Variants in ARHGAP12 observed in about 807,000 individuals in gnomAD.
ARHGAP12 encodes Rho GTPase activating protein 12, also known as rho GTPase-activating protein 12.
In ARHGAP12, 64 loss-of-function variants were observed where a neutral mutation model predicts 108.6. The observed-to-expected ratio is 0.59, with a 90% CI of 0.48 to 0.73. The LOEUF is 0.73. ARHGAP12 is among the 30% of genes least tolerant of loss of function. ARHGAP12 has a pLI of 0.00. For missense variants in ARHGAP12, 940 were observed against 1,005.9 expected (o/e 0.93, Z 0.89); for synonymous variants, 312 against 337.2 (o/e 0.93, Z 0.82).
At chr10:31,852,036 G>A (rs1047941209) in intron 6 of ARHGAP12, among the ~76,000 whole-genome samples, 5 of 152,084 alleles carry the variant, frequency 3.3e-5, no homozygotes, top group South Asian at 2.1e-4. Flanking sequence ...GAAATGAGAC[G>A]TCCAGCTAAA....
chr10:31,909,066 G>A, intron 2 of ARHGAP12, 140 bp from the exon 3 acceptor site: 1 of 534,786 alleles, frequency 1.9e-6, no homozygotes, highest in Non-Finnish European at 3.2e-6. Flanking sequence ...GCAAACATGT[G>A]TCTACTATCA....
chr10:31,808,544 T>G (rs1834903155), intron 19 of ARHGAP12, 105 bp downstream of exon 19: 1 of 913,226 alleles, frequency 1.1e-6, no homozygotes, highest in African/African-American at 1.7e-5. Flanking sequence ...AGACAGCAAG[T>G]AGCATAGCTG....
intron 6 of ARHGAP12, among the ~76,000 whole-genome samples, chr10:31,848,376 T>C (rs1257112601): frequency 6.6e-6 from 1 of 152,230 alleles, no homozygotes; most frequent in Non-Finnish European, 1.5e-5. Flanking sequence ...TTATTTATCC[T>C]TGACAGCATT....
chr10:31,806,074 C>T lies in ARHGAP12; in HGVS notation c.*1584G>A, dbSNP rs1225725411. The T allele has an allele frequency of 6.6e-6, 1 of 151,728 alleles. No individual in the cohort carries two copies. The highest frequency in any genetic ancestry group is 1.5e-5 in the Non-Finnish European group (1 of 67,976). 9.4% of individuals were successfully genotyped at this position (151,728 alleles called of 1,614,324 possible). A position where few individuals can be genotyped will look rare whatever the true frequency, so the allele number is the denominator to read the frequency against. Reference sequence around the variant, plus strand: ...AAATGCAACCCTAAGAAAAAAAAATCCTGGTCACAAATCACTCGCTTTCAA... The same window carrying T: ...AAATGCAACCCTAAGAAAAAAAAATTCTGGTCACAAATCACTCGCTTTCAA... On this transcript the variant is annotated 3_prime_UTR_variant, in exon 20 of 20. Transcript: ENST00000344936.
chr10:31,885,636 T>C (rs889577340), intron 3 of ARHGAP12, among the ~76,000 whole-genome samples: 4 of 151,888 alleles, frequency 2.6e-5, no homozygotes, highest in Non-Finnish European at 5.9e-5. Flanking sequence ...CTGGCCAACA[T>C]GGCAAAATCC....
chr10:31,901,424 C>A (rs199787816), intron 3 of ARHGAP12, among the ~76,000 whole-genome samples: 5 of 148,954 alleles, frequency 3.4e-5, no homozygotes, highest in African/African-American at 1.2e-4. Context: ...CCCAGCTACT[C>A]GGGAAGCTGA....
intron 3 of ARHGAP12, among the ~76,000 whole-genome samples, chr10:31,893,421 C>T (rs1419783078): frequency 6.6e-6 from 1 of 152,098 alleles, no homozygotes; most frequent in Non-Finnish European, 1.5e-5. Flanking sequence ...GATATCACCA[C>T]CGATCCCACA....
intron 3 of ARHGAP12, among the ~76,000 whole-genome samples, chr10:31,884,500 G>A (rs1838120379): frequency 6.6e-6 from 1 of 152,052 alleles, no homozygotes; most frequent in Admixed American, 6.6e-5. Context: ...ATATTATTGT[G>A]AACATTCTTC....
chr10:31,810,827 C>A (rs530337998), intron 15 of ARHGAP12, 80 bp from the exon 16 acceptor site: 8 of 1,012,808 alleles, frequency 7.9e-6, no homozygotes, highest in Non-Finnish European at 1.1e-5. Context: ...CAGAGTGCAA[C>A]AGAAACATCC....
intron 1 of ARHGAP12, among the ~76,000 whole-genome samples, chr10:31,915,602 C>T (rs951440386): frequency 6.6e-6 from 1 of 152,048 alleles, no homozygotes; most frequent in African/African-American, 2.4e-5. Flanking sequence ...GCTCTCACCA[C>T]TAAAATGATA....
At chr10:31,835,202 G>GAA (rs952540519) in intron 9 of ARHGAP12, among the ~76,000 whole-genome samples, 2 of 59,812 alleles carry the variant, frequency 3.3e-5, no homozygotes, top group Non-Finnish European at 7.6e-5. Context: ...CGTCTCAAAA[G>GAA]AAAAAAAAAA....
chr10:31,827,602 T>C (rs772348621), intron 10 of ARHGAP12, among the ~76,000 whole-genome samples: 11 of 152,156 alleles, frequency 7.2e-5, no homozygotes, highest in Non-Finnish European at 1.2e-4. Flanking sequence ...CCATCCTGGC[T>C]AACATGGTGA....
At chr10:31,885,806 G>A (rs898121740) in intron 3 of ARHGAP12, among the ~76,000 whole-genome samples, 10 of 145,664 alleles carry the variant, frequency 6.9e-5, no homozygotes, top group Middle Eastern at 3.6e-3. Context: ...GTGACAGAGC[G>A]AGACACCAAC....
chr10:31,852,385 A>T, intron 6 of ARHGAP12, 132 bp downstream of exon 6: 1 of 753,394 alleles, frequency 1.3e-6, no homozygotes, highest in Non-Finnish European at 2.3e-6. Flanking sequence ...CAGTATTCAC[A>T]GTGAATTCTG....
rs575527878 is a variant in ARHGAP12, at chr10:31,909,647, A to G, written c.-71-721T>C. Among the ~76,000 whole-genome samples the G allele has an allele frequency of 1.3e-4, 20 of 152,242 alleles. No individual in the cohort carries two copies. In the South Asian group the frequency reaches 3.9e-3, roughly 30 times the overall value. ...ACAGTGGCTTACACCTATATTCCCA[A>G]CACTTTGGGAGGCTGAGGCAGGTGG... On this transcript the variant is annotated intron_variant, in intron 2 of 19. Transcript: ENST00000344936.
In ARHGAP12 at chr10:31,908,638, G is replaced by A. The variant is rs756549770; in HGVS notation, c.218C>T (p.Thr73Met). 15 of 1,614,148 alleles carry A rather than the reference G, an allele frequency of 9.3e-6. No homozygotes were observed. The highest frequency in any genetic ancestry group is 6.6e-5 in the South Asian group (6 of 91,082). ...AACAGGTGGCATGAGAGCTTTGCGCGTGACCTCCTTCACATACTGGGCTGG... is the reference window on the plus strand; with the variant it reads ...AACAGGTGGCATGAGAGCTTTGCGCATGACCTCCTTCACATACTGGGCTGG... ...YVPAQYVKEV[T>M]RKALMPPVKQ... Residue 73 changes from threonine (T) to methionine (M), a missense_variant, in exon 3 of 20, where the codon ACG becomes ATG. Physicochemically the swap from Thr to Met is moderately conservative, Grantham distance 81 (BLOSUM62 -1). Transcript: ENST00000344936.
At chr10:31,904,156 C>G (rs1839031728) in intron 3 of ARHGAP12, among the ~76,000 whole-genome samples, 1 of 152,166 alleles carries the variant, frequency 6.6e-6, no homozygotes, top group African/African-American at 2.4e-5. Context: ...AAAACCTGTA[C>G]AGAAATGTTT....
chr10:31,811,612 A>G (rs1268080246), intron 15 of ARHGAP12, among the ~76,000 whole-genome samples: 1 of 150,810 alleles, frequency 6.6e-6, no homozygotes, highest in East Asian at 1.9e-4. Context: ...TTTATTGGAG[A>G]GTACCTAATT....
At position 31,908,667 on chromosome 10, in the gene ARHGAP12, A is replaced by G. The variant is rs776246057; in HGVS notation, c.189T>C (p.Tyr63=). The G allele has an allele frequency of 9.3e-6, 15 of 1,614,180 alleles. No homozygotes were observed. The South Asian group carries it at 1.4e-4, about 15-fold the overall frequency. Residue 63 remains tyrosine (Y), a synonymous_variant, in exon 3 of 20, where the codon TAT becomes TAC. Coordinates refer to ENST00000344936, the MANE Select transcript of ARHGAP12 (RefSeq NM_018287.7). The part of the protein sequence containing the change: ...VKPDENSKAF[Y]VPAQYVKEVT... Reference sequence around the variant, plus strand: ...CCTCCTTCACATACTGGGCTGGCACATAAAACGCTTTGGAGTTTTCATCTG... The same window carrying G: ...CCTCCTTCACATACTGGGCTGGCACGTAAAACGCTTTGGAGTTTTCATCTG...
Sources: gnomAD v4.1 joint callset for allele counts (sites outside exome capture counted in the v4.1 genomes callset) on GRCh38, gnomAD v4.1.1 for gene constraint, MANE v1.5 for transcripts, NCBI Gene and HGNC (gene_info 2026-07-23, HGNC 2026-07-21) for gene names.